The following TSC2 variants were observed in gnomAD, a reference collection of about 807,000 sequenced individuals.
The protein encoded by TSC2 is TSC complex subunit 2.
TSC2 carries 29 observed loss-of-function variants against 202.2 expected under a neutral mutation model. The observed-to-expected ratio is 0.14, with a 90% CI of 0.11 to 0.20. The LOEUF (loss-of-function observed/expected upper bound fraction) is 0.20. TSC2 is among the 10% of genes least tolerant of loss of function. TSC2 has a pLI of 1.00. For missense variants in TSC2, 2,429 were observed against 2,420.0 expected, an observed-to-expected ratio of 1.00 and a Z score of -0.08; for synonymous variants, 1,349 against 1,044.0, an observed-to-expected ratio of 1.29 and a Z score of -5.63.
chr16:2,088,040 C>G lies in TSC2; in HGVS notation c.5069-8C>G, dbSNP rs796053478. On this transcript the variant is annotated splice_region_variant and splice_polypyrimidine_tract_variant and intron_variant, in intron 39 of 41. Transcript: ENST00000219476. ...CCTGGGCCTGGCGTGACCACCAAGT[C>G]TCCCCAGACATGGAGGGCCTTGTGG... 1 of 1,612,020 alleles carries G rather than the reference C, an allele frequency of 6.2e-7. No homozygotes were observed. The highest frequency in any genetic ancestry group is 1.3e-5 in the African/African-American group (1 of 74,800).
rs1182925054 is a variant in TSC2, at chr16:2,051,480, G to T, written c.225+994G>T. Among the ~76,000 whole-genome samples the T allele has an allele frequency of 1.3e-5, 2 of 152,190 alleles. 1 individual carries two copies. Among genetic ancestry groups the T allele is most frequent in the South Asian group, 4.2e-4 (2 of 4,812 alleles). The stretch of plus-strand genomic sequence containing the variant: ...TTGGTGCCATTTTGGGAGGGTGACT[G>T]GTCGGTGGTATTGGGCGACCTCACG... On this transcript the variant is annotated intron_variant, in intron 3 of 41. Coordinates refer to ENST00000219476, the MANE Select transcript of TSC2 (RefSeq NM_000548.5).
intron 15 of TSC2, 45 bp from the exon 16 acceptor site, chr16:2,065,474 T>TCAGAAC (rs1567441664): frequency 8.9e-7 from 1 of 1,117,880 alleles, no homozygotes; most frequent in East Asian, 3.4e-5. Context: ...GGCTGCTGAC[T>TCAGAAC]CAGAACCATG....
chr16:2,071,419 G>A (rs1231611787), intron 17 of TSC2, 91 bp from the exon 18 acceptor site: 2 of 1,335,186 alleles, frequency 1.5e-6, no homozygotes, highest in Non-Finnish European at 2.1e-6. Flanking sequence ...GAGTGCCTGT[G>A]GTGCTGGACG....
chr16:2,085,299 G>A lies in TSC2; in HGVS notation c.4639G>A (p.Val1547Ile), dbSNP rs745895675. 34 of 1,612,608 alleles carry A rather than the reference G, an allele frequency of 2.1e-5. 1 individual carries two copies. The highest frequency in any genetic ancestry group is 1.6e-4 in the South Asian group (15 of 91,090). ...ATCATACGACACCCACAAGATCGCC[G>A]TCCTGTATGTTGGAGAAGGCCAGGT... ...IPSYDTHKIA[V>I]LYVGEGQSNS... The change falls in exon 36 of 42, where the codon GTC (valine) becomes ATC (isoleucine). Residue 1547 changes from valine to isoleucine, a missense_variant. Coordinates refer to ENST00000219476, the MANE Select transcript of TSC2 (RefSeq NM_000548.5).
intron 19 of TSC2, 108 bp from the exon 20 acceptor site, chr16:2,072,133 C>G (rs1215485626): frequency 7.0e-6 from 11 of 1,582,268 alleles, no homozygotes; most frequent in Admixed American, 6.8e-5. Context: ...GAACAGGGCT[C>G]CATAGCCCTT....
intron 24 of TSC2, 125 bp downstream of exon 24, chr16:2,076,295 C>A (rs943899201): frequency 3.2e-6 from 5 of 1,562,786 alleles, no homozygotes; most frequent in Non-Finnish European, 3.5e-6. Context: ...TGGGGCTGTG[C>A]CTGTGGCGCT....
chr16:2,061,082 G>GACCT (rs1168610483), intron 11 of TSC2: 1 of 504,992 alleles, frequency 2.0e-6, no homozygotes, highest in South Asian at 2.0e-5. Flanking sequence ...TCCGCAGAGT[G>GACCT]ACCTGCAGGC....
In TSC2 at chr16:2,088,865, T is replaced by A. The variant is rs1441475300; in HGVS notation, c.*255T>A. On this transcript the variant is annotated 3_prime_UTR_variant, in exon 42 of 42. Transcript: ENST00000219476. ...AGGCTGCCTGGGCCATACAGCACACTCGCGCGTGCGCGCGCGCACACACAC... is the reference window on the plus strand; with the variant it reads ...AGGCTGCCTGGGCCATACAGCACACACGCGCGTGCGCGCGCGCACACACAC... 6.1e-5 allele frequency: 32 copies of A among 526,584 alleles called. 1 individual carries two copies. In the African/African-American group the frequency reaches 6.3e-4, roughly 10 times the overall value. 32.6% of individuals were successfully genotyped at this position (526,584 alleles called of 1,614,324 possible).
chr16:2,048,504 G>A, intron 1 of TSC2, 83 bp from the exon 2 acceptor site: 3 of 1,554,008 alleles, frequency 1.9e-6, no homozygotes, highest in Non-Finnish European at 2.6e-6. Context: ...AGAGACCCAG[G>A]GTCCTGACGG....
chr16:2,062,320 A>G (rs1385643229), intron 12 of TSC2, among the ~76,000 whole-genome samples, 177 bp from the exon 13 acceptor site: 1 of 152,074 alleles, frequency 6.6e-6, no homozygotes, highest in Non-Finnish European at 1.5e-5. Context: ...AGGCTTTTCC[A>G]TGGGTTTGGA....
intron 3 of TSC2, among the ~76,000 whole-genome samples, chr16:2,052,986 C>G (rs1300700975): frequency 6.6e-6 from 1 of 152,206 alleles, no homozygotes; most frequent in Non-Finnish European, 1.5e-5. Context: ...GGTTCTGAGA[C>G]TGTCCCATGA....
At chr16:2,083,141 C>T in intron 32 of TSC2, 1 of 456,534 alleles carries the variant, frequency 2.2e-6, no homozygotes, top group Non-Finnish European at 4.4e-6. Context: ...CCCTCTGTTG[C>T]TGCTTCTACT....
intron 3 of TSC2, 82 bp downstream of exon 3, chr16:2,050,568 G>T: frequency 9.2e-7 from 1 of 1,081,216 alleles, no homozygotes; most frequent in South Asian, 1.3e-5. Flanking sequence ...GAACATGGTT[G>T]ACAGCTGACT....
At chr16:2,073,014 G>T in intron 21 of TSC2, 31 bp downstream of exon 21, 1 of 1,612,980 alleles carries the variant, frequency 6.2e-7, no homozygotes, top group Non-Finnish European at 8.5e-7. Context: ...AGGCGAGCTT[G>T]ATGGGGCCTG....
chr16:2,064,099 G>GC, intron 14 of TSC2, 173 bp from the exon 15 acceptor site: 1 of 1,044,506 alleles, frequency 9.6e-7, no homozygotes, highest in Non-Finnish European at 1.5e-6. Flanking sequence ...CCTGGAAGGG[G>GC]CCCCGGGGTC....
intron 37 of TSC2, 132 bp downstream of exon 37, chr16:2,086,511 C>T: frequency 7.0e-7 from 1 of 1,430,280 alleles, no homozygotes; most frequent in Non-Finnish European, 9.5e-7. Flanking sequence ...GCCTCAGGTT[C>T]CGAGCCTAAC....
chr16:2,071,372 G>C, intron 17 of TSC2, 138 bp from the exon 18 acceptor site: 2 of 798,980 alleles, frequency 2.5e-6, no homozygotes, highest in Middle Eastern at 2.2e-4. Context: ...TCTGTGTTGG[G>C]ATGTGGGTGT....
chr16:2,088,364 T>G (rs1415776098), intron 41 of TSC2, 39 bp downstream of exon 41: 2 of 1,612,098 alleles, frequency 1.2e-6, no homozygotes, highest in Non-Finnish European at 1.7e-6. Context: ...GTGTGCTGGC[T>G]GCCCAAGCTG....
At chr16:2,065,436 A>AG in intron 15 of TSC2, 83 bp from the exon 16 acceptor site, 2 of 726,058 alleles carry the variant, frequency 2.8e-6, no homozygotes, top group Non-Finnish European at 4.7e-6. Context: ...AAAAAAAAAA[A>AG]GGTGTTTGTG....
Sources: gnomAD v4.1 joint callset for allele counts (sites outside exome capture counted in the v4.1 genomes callset) on GRCh38, gnomAD v4.1.1 for gene constraint, MANE v1.5 for transcripts, NCBI Gene and HGNC (gene_info 2026-07-23, HGNC 2026-07-21) for gene names.